The following STMND1 variants were observed in gnomAD, a reference collection of about 807,000 sequenced individuals.
STMND1 encodes stathmin domain containing 1.
Under a neutral mutation model 23.0 loss-of-function variants are expected in STMND1, and 17 were observed. That is an observed-to-expected ratio of 0.74 (90% CI 0.51 to 1.11). The LOEUF is 1.11. STMND1 is among the 50% of genes least tolerant of loss of function. The pLI, the probability that STMND1 is intolerant of heterozygous loss-of-function variation, is 0.00. For missense variants in STMND1, 305 were observed against 329.1 expected (o/e 0.93, Z 0.57); for synonymous variants, 114 against 119.9 (o/e 0.95, Z 0.32).
chr6:17,105,828 G>A (rs1426135426), intron 1 of STMND1, among the ~76,000 whole-genome samples: 2 of 151,904 alleles, frequency 1.3e-5, no homozygotes, highest in African/African-American at 4.8e-5. Flanking sequence ...CGGAGGCTGA[G>A]GCAGGAGAAT....
At chr6:17,126,529 T>A (rs1179978809) in intron 3 of STMND1, among the ~76,000 whole-genome samples, 1 of 152,150 alleles carries the variant, frequency 6.6e-6, no homozygotes, top group Non-Finnish European at 1.5e-5. Flanking sequence ...GATCTTGGAT[T>A]ACTACTTAAT....
At chr6:17,122,063 A>C (rs968440206) in intron 3 of STMND1, among the ~76,000 whole-genome samples, 1 of 151,966 alleles carries the variant, frequency 6.6e-6, no homozygotes, top group East Asian at 1.9e-4. Flanking sequence ...GGATTTCACC[A>C]TCTTGACCAG....
chr6:17,115,527 C>G (rs1286325810), intron 2 of STMND1, among the ~76,000 whole-genome samples: 1 of 152,098 alleles, frequency 6.6e-6, no homozygotes, highest in African/African-American at 2.4e-5. Flanking sequence ...ATAAATAAAA[C>G]CTACAATAAA....
chr6:17,104,491 A>C (rs1760991958), intron 1 of STMND1, among the ~76,000 whole-genome samples: 1 of 152,182 alleles, frequency 6.6e-6, no homozygotes, highest in South Asian at 2.1e-4. Flanking sequence ...CCAAGCGTCA[A>C]ATACAAGATG....
chr6:17,126,414 G>A (rs1761307413), intron 3 of STMND1, among the ~76,000 whole-genome samples: 1 of 152,012 alleles, frequency 6.6e-6, no homozygotes, highest in Admixed American at 6.6e-5. Context: ...CACGGGAAGA[G>A]GTGACCAAAA....
At chr6:17,119,849 AG>A (rs1364419392) in intron 2 of STMND1, among the ~76,000 whole-genome samples, 1 of 152,220 alleles carries the variant, frequency 6.6e-6, no homozygotes, top group Non-Finnish European at 1.5e-5. Context: ...TGACAGGAAA[AG>A]CAAAACTGTC....
At chr6:17,102,628 C>T (rs563669777) in intron 1 of STMND1, among the ~76,000 whole-genome samples, 6 of 152,154 alleles carry the variant, frequency 3.9e-5, no homozygotes, top group African/African-American at 1.2e-4. Context: ...AAAGAGATTA[C>T]GAAGGTGGTC....
At chr6:17,130,372 C>G (rs1761373737) in intron 4 of STMND1, among the ~76,000 whole-genome samples, 1 of 152,276 alleles carries the variant, frequency 6.6e-6, no homozygotes, top group East Asian at 1.9e-4. Flanking sequence ...GCCTTCATTT[C>G]CCAGCTCTCT....
At chr6:17,102,449 G>T (rs923654630) in intron 1 of STMND1, 111 bp downstream of exon 1, 1 of 1,296,320 alleles carries the variant, frequency 7.7e-7, no homozygotes. Flanking sequence ...AGCAGGGTCG[G>T]TCGAGGCTAG....
rs1581369617 is a variant in STMND1 at position 17,115,024 on chromosome 6, C to G, written c.144C>G (p.Thr48=). 1 of 1,535,610 alleles carries G rather than the reference C, an allele frequency of 6.5e-7. No individual in the cohort carries two copies. The highest frequency in any genetic ancestry group is 2.4e-5 in the East Asian group (1 of 40,874). Residue 48 remains threonine (T), a synonymous_variant, in exon 2 of 5, where the codon ACC becomes ACG. Coordinates refer to ENST00000536551, the MANE Select transcript of STMND1 (RefSeq NM_001190766.2). ...GCCCCCGGATGGAAGCTGCTCTGAC[C>G]AAGAATACTGTGGACATTGCAGAAG... ...NCSPRMEAAL[T]KNTVDIAEGL... is the part of the protein sequence containing the mutation.
At chr6:17,106,348 G>C (rs1197034224) in intron 1 of STMND1, among the ~76,000 whole-genome samples, 1 of 152,144 alleles carries the variant, frequency 6.6e-6, no homozygotes, top group African/African-American at 2.4e-5. Flanking sequence ...CTTGAGGACA[G>C]GCACTGTTTT....
chr6:17,103,096 T>A (rs572893548), intron 1 of STMND1, among the ~76,000 whole-genome samples: 17 of 152,208 alleles, frequency 1.1e-4, no homozygotes, highest in Non-Finnish European at 1.8e-4. Context: ...ACCCTCCAGA[T>A]TCCACAGACA....
chr6:17,120,696 G>T lies in STMND1; in HGVS notation c.349G>T (p.Val117Phe). ...ATCAGATATCCTGGAGGAACTAATTGTTCAAGGAATTATACAAAGCCACAG... is the reference window on the plus strand; with the variant it reads ...ATCAGATATCCTGGAGGAACTAATTTTTCAAGGAATTATACAAAGCCACAG... The part of the protein sequence containing the change: ...KSSDILEELI[V>F]QGIIQSHSKV... Residue 117 changes from valine to phenylalanine, a missense_variant, in exon 3 of 5, where the codon GTT becomes TTT. Val to Phe is a conservative substitution (Grantham distance 50, BLOSUM62 -1). Coordinates refer to ENST00000536551, the MANE Select transcript of STMND1 (RefSeq NM_001190766.2). 6.5e-7 allele frequency: 1 copy of T among 1,535,404 alleles called. No individual in the cohort carries two copies. Among genetic ancestry groups the T allele is most frequent in the African/African-American group, 1.4e-5 (1 of 73,130 alleles).
chr6:17,119,599 C>T (rs551747153), intron 2 of STMND1, among the ~76,000 whole-genome samples: 1 of 151,930 alleles, frequency 6.6e-6, no homozygotes, highest in Admixed American at 6.6e-5. Flanking sequence ...ACTTGGGTGG[C>T]TGAGGCAGGA....
At chr6:17,128,637 G>A (rs1215842141) in intron 3 of STMND1, 1 of 152,574 alleles carries the variant, frequency 6.6e-6, no homozygotes, top group Non-Finnish European at 1.5e-5. Context: ...TTATAATTCT[G>A]TTGTTATCAA....
At chr6:17,104,567 A>G (rs1760992874) in intron 1 of STMND1, among the ~76,000 whole-genome samples, 2 of 152,180 alleles carry the variant, frequency 1.3e-5, no homozygotes, top group Non-Finnish European at 2.9e-5. Context: ...TTTCTTGGGT[A>G]AGATAATTAT....
chr6:17,116,307 A>C (rs566137237), intron 2 of STMND1, among the ~76,000 whole-genome samples: 2 of 152,336 alleles, frequency 1.3e-5, no homozygotes, highest in African/African-American at 4.8e-5. Flanking sequence ...AGGAGTCCTC[A>C]GGAAGCATCT....
At chr6:17,125,259 A>G (rs1263706966) in intron 3 of STMND1, among the ~76,000 whole-genome samples, 1 of 152,200 alleles carries the variant, frequency 6.6e-6, no homozygotes, top group African/African-American at 2.4e-5. Flanking sequence ...ATTTTTAAAC[A>G]TTCTAATTAG....
rs1761137900 is a variant in STMND1, at chr6:17,114,949, T to A, written c.82-13T>A. The A allele has an allele frequency of 6.7e-7, 1 of 1,501,988 alleles. No individual in the cohort carries two copies. Among genetic ancestry groups the A allele is most frequent in the Non-Finnish European group, 8.8e-7 (1 of 1,134,052 alleles). 93.0% of individuals were successfully genotyped at this position (1,501,988 alleles called of 1,614,324 possible). On this transcript the variant is annotated splice_polypyrimidine_tract_variant and intron_variant, in intron 1 of 4. Transcript: ENST00000536551. The stretch of plus-strand genomic sequence containing the variant: ...GAAATCTTGACTCTAACAAAACTGT[T>A]CCCTTTTCACAGGCTGATGTCAGTG...
Sources: allele counts gnomAD v4.1 joint callset (sites outside exome capture counted in the v4.1 genomes callset), GRCh38; gene constraint gnomAD v4.1.1; transcripts MANE v1.5; gene names NCBI Gene and HGNC (gene_info 2026-07-23, HGNC 2026-07-21).